ELOVL4: variants seen among roughly 807,000 people sequenced by gnomAD.
ELOVL4 encodes very long chain fatty acid elongase 4.
In ELOVL4, 18 loss-of-function variants were observed where a neutral mutation model predicts 42.1. The ratio of observed to expected loss-of-function variants is 0.43; its 90% CI spans 0.30 to 0.63. The LOEUF (loss-of-function observed/expected upper bound fraction) is 0.63. ELOVL4 is among the 30% of genes least tolerant of loss of function. ELOVL4 has a pLI of 0.15. For synonymous variants in ELOVL4, 117 were observed against 127.0 expected (o/e 0.92, Z 0.53); for missense variants, 299 against 376.2 (o/e 0.79, Z 1.70).
At chr6:79,941,399 C>T (rs1774642770) in intron 1 of ELOVL4, among the ~76,000 whole-genome samples, 1 of 152,208 alleles carries the variant, frequency 6.6e-6, no homozygotes, top group Non-Finnish European at 1.5e-5. Flanking sequence ...CAAGGCAATG[C>T]TTCTGCACAG....
At chr6:79,921,542 G>C in intron 4 of ELOVL4, 83 bp downstream of exon 4, 1 of 1,042,604 alleles carries the variant, frequency 9.6e-7, no homozygotes. Context: ...GGTAGATCAA[G>C]TCAAAGTCCT....
In ELOVL4 at chr6:79,915,629, C is replaced by A. The variant is rs1774146360; in HGVS notation, c.*979G>T. On this transcript the variant is annotated 3_prime_UTR_variant, in exon 6 of 6. Coordinates refer to ENST00000369816, the MANE Select transcript of ELOVL4 (RefSeq NM_022726.4). ...TAACATTAAAATTTACATTAGAAGACTCCTTGATTTTTTAATTAAAATTTA... is the reference window on the plus strand; with the variant it reads ...TAACATTAAAATTTACATTAGAAGAATCCTTGATTTTTTAATTAAAATTTA... 6.6e-6 allele frequency: 1 copy of A among 152,402 alleles called. No homozygotes were observed. 9.4% of individuals were successfully genotyped at this position (152,402 alleles called of 1,614,324 possible). A position where few individuals can be genotyped will look rare whatever the true frequency, so the allele number is the denominator to read the frequency against.
chr6:79,939,733 GGGCTCAA>G (rs1774611751), intron 1 of ELOVL4, among the ~76,000 whole-genome samples: 1 of 151,852 alleles, frequency 6.6e-6, no homozygotes, highest in African/African-American at 2.4e-5. Flanking sequence ...TTGAACTCCT[GGGCTCAA>G]GTGATCCTTG....
intron 3 of ELOVL4, among the ~76,000 whole-genome samples, chr6:79,922,254 C>A (rs1349924349): frequency 6.6e-6 from 1 of 151,422 alleles, no homozygotes; most frequent in African/African-American, 2.4e-5. Flanking sequence ...TGTCTGCCCA[C>A]CCTCTCCCCT....
At chr6:79,931,866 T>A (rs1481512991) in intron 1 of ELOVL4, among the ~76,000 whole-genome samples, 2 of 152,242 alleles carry the variant, frequency 1.3e-5, no homozygotes, top group African/African-American at 2.4e-5. Flanking sequence ...TTCCCTTTTG[T>A]ACACAGAAGG....
At chr6:79,919,047 A>G (rs1030047132) in intron 5 of ELOVL4, among the ~76,000 whole-genome samples, 14 of 152,206 alleles carry the variant, frequency 9.2e-5, no homozygotes, top group Non-Finnish European at 2.1e-4. Context: ...GAAGAAAGGT[A>G]ATAAAATTTT....
intron 5 of ELOVL4, among the ~76,000 whole-genome samples, chr6:79,919,185 G>T (rs757761511): frequency 1.8e-4 from 27 of 151,988 alleles, no homozygotes; most frequent in Non-Finnish European, 3.5e-4. Flanking sequence ...TTTCCTTAGA[G>T]GAGTAAGGGC....
intron 1 of ELOVL4, among the ~76,000 whole-genome samples, chr6:79,940,317 T>TAGAATG (rs1227802409): frequency 1.3e-5 from 2 of 152,214 alleles, no homozygotes; most frequent in Non-Finnish European, 2.9e-5. Flanking sequence ...CTAAGGTATT[T>TAGAATG]GTTTACAAAT....
At chr6:79,931,436 A>T (rs1582050984) in intron 1 of ELOVL4, among the ~76,000 whole-genome samples, 1 of 152,252 alleles carries the variant, frequency 6.6e-6, no homozygotes, top group East Asian at 1.9e-4. Flanking sequence ...CTACTCAATC[A>T]CCATGTACTT....
At chr6:79,924,369 T>A (rs1040403548) in intron 3 of ELOVL4, among the ~76,000 whole-genome samples, 1 of 152,184 alleles carries the variant, frequency 6.6e-6, no homozygotes, top group South Asian at 2.1e-4. Flanking sequence ...AAAATAAACA[T>A]GAGACTTCTT....
chr6:79,921,714 T>C lies in ELOVL4; in HGVS notation c.452A>G (p.Asn151Ser). Residue 151 changes from asparagine to serine, a missense_variant, in exon 4 of 6, where the codon AAC becomes AGC. Physicochemically the swap from Asn to Ser is conservative, Grantham distance 46 (BLOSUM62 1). Transcript: ENST00000369816. ...DTVFFILRKKNNQVSFLHVYH... is the reference protein window; with the variant it reads ...DTVFFILRKKSNQVSFLHVYH... The stretch of plus-strand genomic sequence containing the variant: ...CACATGAAGGAAAGAAACTTGGTTG[T>C]TTTTCTTTCTCAGAATAAAAAACAC... The C allele has an allele frequency of 6.2e-7, 1 of 1,613,978 alleles. No homozygotes were observed. The highest frequency in any genetic ancestry group is 8.5e-7 in the Non-Finnish European group (1 of 1,179,932).
intron 5 of ELOVL4, 97 bp downstream of exon 5, chr6:79,919,323 T>C (rs1561982996): frequency 3.6e-6 from 5 of 1,395,276 alleles, no homozygotes; most frequent in African/African-American, 1.4e-5. Flanking sequence ...AATTTCATAA[T>C]AGAAAATTGT....
At chr6:79,934,509 C>G (rs1774511215) in intron 1 of ELOVL4, among the ~76,000 whole-genome samples, 1 of 152,150 alleles carries the variant, frequency 6.6e-6, no homozygotes, top group Non-Finnish European at 1.5e-5. Flanking sequence ...CCTTCTGCTG[C>G]AGCCTATTCT....
intron 1 of ELOVL4, among the ~76,000 whole-genome samples, chr6:79,937,438 C>T (rs1248252850): frequency 6.6e-6 from 1 of 152,050 alleles, no homozygotes; most frequent in Admixed American, 6.6e-5. Flanking sequence ...ATGTGTGATT[C>T]GAGCTGAAGG....
chr6:79,947,136 C>T (rs1184198875), intron 1 of ELOVL4, 44 bp downstream of exon 1: 10 of 1,528,054 alleles, frequency 6.5e-6, no homozygotes, highest in Non-Finnish European at 9.0e-6. Context: ...GCCGGTGACC[C>T]CCCGCGGGGG....
intron 1 of ELOVL4, among the ~76,000 whole-genome samples, chr6:79,931,561 C>G (rs1774445672): frequency 6.6e-6 from 1 of 152,046 alleles, no homozygotes; most frequent in Admixed American, 6.5e-5. Flanking sequence ...TTAAAAGTTC[C>G]CTCAATAGAA....
intron 1 of ELOVL4, among the ~76,000 whole-genome samples, chr6:79,933,659 T>C (rs1201201905): frequency 6.6e-6 from 1 of 152,158 alleles, no homozygotes; most frequent in Non-Finnish European, 1.5e-5. Context: ...AGACTACCCA[T>C]GTAAGAATCA....
rs1774345687 is a variant in ELOVL4, at chr6:79,926,478, A to C, written c.101-97T>G. 4.1e-6 allele frequency: 5 copies of C among 1,212,166 alleles called. No homozygotes were observed. In the East Asian group the frequency reaches 1.3e-4, roughly 31 times the overall value. 75.1% of individuals were successfully genotyped at this position (1,212,166 alleles called of 1,614,324 possible). On this transcript the variant is annotated intron_variant, in intron 1 of 5. Transcript: ENST00000369816. Reference sequence around the variant, plus strand: ...CAAGATGTTTCAACTTAATTTCCTAATTTGACTAAATACGGATCACTGTCC... The same window carrying C: ...CAAGATGTTTCAACTTAATTTCCTACTTTGACTAAATACGGATCACTGTCC...
At chr6:79,938,826 T>G (rs955770013) in intron 1 of ELOVL4, among the ~76,000 whole-genome samples, 10 of 152,166 alleles carry the variant, frequency 6.6e-5, no homozygotes, top group Admixed American at 4.6e-4. Flanking sequence ...AAAGAAAAGG[T>G]AAAATAAAAG....
Sources: gnomAD v4.1 joint callset for allele counts (sites outside exome capture counted in the v4.1 genomes callset) on GRCh38, gnomAD v4.1.1 for gene constraint, MANE v1.5 for transcripts, NCBI Gene and HGNC (gene_info 2026-07-23, HGNC 2026-07-21) for gene names.